Variants in SESTD1 observed in about 807,000 individuals in gnomAD.
SESTD1 encodes SEC14 domain and spectrin repeat-containing protein 1.
Under a neutral mutation model 101.7 loss-of-function variants are expected in SESTD1, and 43 were observed. The observed-to-expected ratio is 0.42, with a 90% confidence interval of 0.33 to 0.55. The LOEUF is 0.55. Among genes scored for constraint, SESTD1 ranks in the 20% least tolerant of loss-of-function variants. The pLI is 0.07. For missense variants in SESTD1, 647 were observed against 815.1 expected (o/e 0.79, Z 2.51); for synonymous variants, 283 against 286.8 (o/e 0.99, Z 0.13).
At chr2:179,187,699 T>C (rs2046254615) in intron 2 of SESTD1, among the ~76,000 whole-genome samples, 1 of 151,974 alleles carries the variant, frequency 6.6e-6, no homozygotes, top group South Asian at 2.1e-4. Context: ...TCACATGTAA[T>C]GACAATGACA....
chr2:179,261,673 T>C (rs1437002939), intron 1 of SESTD1, among the ~76,000 whole-genome samples: 4 of 152,022 alleles, frequency 2.6e-5, no homozygotes, highest in African/African-American at 9.7e-5. Flanking sequence ...AATGGAACCC[T>C]CATTGCTACA....
intron 1 of SESTD1, among the ~76,000 whole-genome samples, chr2:179,246,982 T>C (rs1236732886): frequency 2.0e-5 from 3 of 152,212 alleles, no homozygotes; most frequent in Non-Finnish European, 2.9e-5. Context: ...TATATATTTT[T>C]TATTTTTTTC....
At chr2:179,153,189 A>T (rs2045562283) in intron 5 of SESTD1, among the ~76,000 whole-genome samples, 1 of 152,228 alleles carries the variant, frequency 6.6e-6, no homozygotes, top group Admixed American at 6.5e-5. Flanking sequence ...ATCAAAACTG[A>T]CATAAGAAAA....
chr2:179,108,088 TC>T lies in SESTD1; in HGVS notation c.*1810del, dbSNP rs2044424650. 1 of 152,146 alleles carries T rather than the reference TC, an allele frequency of 6.6e-6. No homozygotes were observed. 9.4% of individuals were successfully genotyped at this position (152,146 alleles called of 1,614,324 possible). ...GGTGATAAATATTGTCAATCTTTAA[TC>T]AAGGTTGAAATGTCAACTAGGCAAT... On this transcript the variant is annotated 3_prime_UTR_variant, in exon 18 of 18. Transcript: ENST00000428443.
At chr2:179,161,587 G>T (rs910638035) in intron 5 of SESTD1, among the ~76,000 whole-genome samples, 9 of 151,694 alleles carry the variant, frequency 5.9e-5, no homozygotes, top group African/African-American at 1.9e-4. Flanking sequence ...GCTTGAACCC[G>T]GGAGGTGGAG....
At chr2:179,173,472 T>C (rs749668546) in intron 4 of SESTD1, among the ~76,000 whole-genome samples, 1 of 152,226 alleles carries the variant, frequency 6.6e-6, no homozygotes, top group Non-Finnish European at 1.5e-5. Context: ...CTCACATATA[T>C]AATAGAACAC....
intron 1 of SESTD1, among the ~76,000 whole-genome samples, chr2:179,261,920 T>C (rs2047488917): frequency 2.0e-5 from 3 of 152,124 alleles, no homozygotes; most frequent in Admixed American, 2.0e-4. Flanking sequence ...AACTTGTAAA[T>C]GAGTATCCAC....
rs534185147 is a variant in SESTD1, at chr2:179,256,425, A to G, written c.-26+8074T>C. On this transcript the variant is annotated intron_variant, in intron 1 of 17. Transcript: ENST00000428443. ...AAGGGGTTCAAAATTTCAGTGTAGG[A>G]AGTAACTGCAGATGTGGTAGAAATA... is the stretch of plus-strand genomic sequence containing the variant. Among the ~76,000 whole-genome samples, 7 of 152,342 alleles carry G rather than the reference A, an allele frequency of 4.6e-5. No individual in the cohort carries two copies. The South Asian group carries it at 1.0e-3, about 23-fold the overall frequency.
chr2:179,228,026 G>C (rs1204635657), intron 1 of SESTD1, among the ~76,000 whole-genome samples: 1 of 152,126 alleles, frequency 6.6e-6, no homozygotes, highest in Non-Finnish European at 1.5e-5. Context: ...TAAAGAACTA[G>C]AAGTGAGACA....
intron 1 of SESTD1, among the ~76,000 whole-genome samples, chr2:179,199,194 A>T (rs1022614165): frequency 1.1e-4 from 16 of 152,100 alleles, no homozygotes; most frequent in African/African-American, 3.9e-4. Context: ...CAAATAAACT[A>T]GAAAATCTAG....
intron 2 of SESTD1, among the ~76,000 whole-genome samples, chr2:179,190,280 C>T (rs978521239): frequency 6.0e-5 from 9 of 151,170 alleles, no homozygotes; most frequent in African/African-American, 1.7e-4. Flanking sequence ...CAACAAAACA[C>T]GCAATGGGGA....
chr2:179,259,877 T>G (rs2047457998), intron 1 of SESTD1, among the ~76,000 whole-genome samples: 1 of 152,214 alleles, frequency 6.6e-6, no homozygotes, highest in Non-Finnish European at 1.5e-5. Flanking sequence ...CAACACAAGA[T>G]TCATCCAGAT....
At chr2:179,190,180 A>G (rs777059015) in intron 2 of SESTD1, among the ~76,000 whole-genome samples, 3 of 152,224 alleles carry the variant, frequency 2.0e-5, no homozygotes, top group African/African-American at 4.8e-5. Flanking sequence ...ACAAAACAGC[A>G]TGGTACTAGT....
intron 5 of SESTD1, among the ~76,000 whole-genome samples, chr2:179,164,529 T>C (rs1456096544): frequency 6.6e-6 from 1 of 152,186 alleles, no homozygotes; most frequent in African/African-American, 2.4e-5. Flanking sequence ...CAGCAAAACC[T>C]ATCATAGTCA....
intron 1 of SESTD1, among the ~76,000 whole-genome samples, chr2:179,252,717 G>A (rs1251202566): frequency 1.3e-5 from 2 of 152,172 alleles, no homozygotes; most frequent in East Asian, 1.9e-4. Flanking sequence ...TAGAAAAATT[G>A]TTTTAGTACA....
chr2:179,228,144 T>G (rs2046918256), intron 1 of SESTD1, among the ~76,000 whole-genome samples: 1 of 152,138 alleles, frequency 6.6e-6, no homozygotes, highest in African/African-American at 2.4e-5. Flanking sequence ...CCTCACACTG[T>G]GTAAGTATAG....
chr2:179,138,653 C>CA (rs1369651132), intron 9 of SESTD1, among the ~76,000 whole-genome samples: 1 of 151,906 alleles, frequency 6.6e-6, no homozygotes, highest in Non-Finnish European at 1.5e-5. Context: ...CAACTTCACA[C>CA]AAAAAATACT....
At chr2:179,227,497 A>G (rs1208668363) in intron 1 of SESTD1, among the ~76,000 whole-genome samples, 2 of 152,214 alleles carry the variant, frequency 1.3e-5, no homozygotes, top group Non-Finnish European at 2.9e-5. Context: ...GAATTGAGGT[A>G]ACAAAATTTT....
At chr2:179,194,807 G>T (rs1036543496) in intron 1 of SESTD1, among the ~76,000 whole-genome samples, 8 of 152,142 alleles carry the variant, frequency 5.3e-5, no homozygotes, top group African/African-American at 1.9e-4. Flanking sequence ...TACCAAGCTG[G>T]CTGAGGCTAT....
Sources: gnomAD v4.1 joint callset for allele counts (sites outside exome capture counted in the v4.1 genomes callset) on GRCh38, gnomAD v4.1.1 for gene constraint, MANE v1.5 for transcripts, NCBI Gene and HGNC (gene_info 2026-07-23, HGNC 2026-07-21) for gene names.